Variants in SLC35F5 observed in about 807,000 individuals in gnomAD.
SLC35F5 encodes HCV NS5A-transactivated protein 3.
Under a neutral mutation model 68.6 loss-of-function variants are expected in SLC35F5, and 54 were observed. The ratio of observed to expected loss-of-function variants is 0.79; its 90% CI spans 0.63 to 0.99. The LOEUF (loss-of-function observed/expected upper bound fraction) is 0.99, where lower values mean the gene tolerates loss of function less well. Among genes scored for constraint, SLC35F5 ranks in the 50% least tolerant of loss-of-function variants. The pLI is 0.00. For missense variants in SLC35F5, 567 were observed against 626.9 expected, an observed-to-expected ratio of 0.90 and a Z score of 1.02; for synonymous variants, 211 against 205.2, an observed-to-expected ratio of 1.03 and a Z score of -0.24.
intron 14 of SLC35F5, among the ~76,000 whole-genome samples, chr2:113,718,925 GAAAAAGA>G (rs1559318405): frequency 0.056 from 3,155 of 56,734 alleles, 71 homozygotes; most frequent in Non-Finnish European, 0.098. Context: ...AAGAAAGAAA[GAAAAAGA>G]AAGGAAGAAA....
intron 10 of SLC35F5, among the ~76,000 whole-genome samples, 182 bp downstream of exon 10, chr2:113,731,402 G>A (rs904920278): frequency 6.6e-6 from 1 of 152,082 alleles, no homozygotes; most frequent in African/African-American, 2.4e-5. Context: ...AAAAATCTGG[G>A]TGAAGGCTAT....
intron 3 of SLC35F5, among the ~76,000 whole-genome samples, chr2:113,752,960 G>A (rs997227873): frequency 6.6e-6 from 1 of 152,038 alleles, no homozygotes. Context: ...TGTGACATAT[G>A]CTTTAAAATA....
rs1048814223 is a variant in SLC35F5 at position 113,708,323 on chromosome 2, G to A, written c.*6895C>T. 1.8e-4 allele frequency among the ~76,000 whole-genome samples: 27 copies of A among 152,150 alleles called. No homozygotes were observed. The highest frequency in any genetic ancestry group is 5.5e-4 in the African/African-American group (23 of 41,442). On this transcript the variant is annotated 3_prime_UTR_variant, in exon 16 of 16. Coordinates refer to ENST00000245680, the MANE Select transcript of SLC35F5 (RefSeq NM_025181.5). ...TGGAATTAAAAGATGAGAAAACCTC[G>A]TAGTATTTTAGTCTGGTACTTTTAG... is the stretch of plus-strand genomic sequence containing the variant.
chr2:113,730,744 C>G lies in SLC35F5; in HGVS notation c.985+840G>C, dbSNP rs114189957. Reference sequence around the variant, plus strand: ...TCACCATGCTCAGCCCAGCTAGGTTCTGATTACTTTTGTTTTTGTTAAGTC... The same window carrying G: ...TCACCATGCTCAGCCCAGCTAGGTTGTGATTACTTTTGTTTTTGTTAAGTC... On this transcript the variant is annotated intron_variant, in intron 10 of 15. Transcript: ENST00000245680. 9.4e-3 allele frequency among the ~76,000 whole-genome samples: 1,430 copies of G among 152,250 alleles called. 29 individuals are homozygous for G. The highest frequency in any genetic ancestry group is 0.032 in the African/African-American group (1,313 of 41,542).
intron 2 of SLC35F5, 21 bp downstream of exon 2, chr2:113,755,433 G>A (rs760564667): frequency 1.3e-5 from 21 of 1,612,202 alleles, no homozygotes; most frequent in Middle Eastern, 3.3e-4. Flanking sequence ...AAGTTACATA[G>A]AGGATAAACG....
In SLC35F5 at chr2:113,734,683, G is replaced by A. The variant is rs1405069223; in HGVS notation, c.833-10C>T. The stretch of plus-strand genomic sequence containing the variant: ...ATTAAGGTAAAAAGTCCTATGAGGA[G>A]AAAAGAATTTAAAAATGGTACATGA... On this transcript the variant is annotated splice_polypyrimidine_tract_variant and intron_variant, in intron 8 of 15. Transcript: ENST00000245680. 1.9e-6 allele frequency: 3 copies of A among 1,539,064 alleles called. No homozygotes were observed. Among genetic ancestry groups the A allele is most frequent in the Admixed American group, 3.7e-5 (2 of 54,556 alleles).
chr2:113,746,276 C>T lies in SLC35F5; in HGVS notation c.480+1G>A. On this transcript the variant is annotated splice_donor_variant, in intron 5 of 15. Coordinates refer to ENST00000245680, the MANE Select transcript of SLC35F5 (RefSeq NM_025181.5). LOFTEE classifies it high-confidence loss of function. ...TTCCTGACAAGAAAAGAAGCACTTA[C>T]CAAAGAACTATTCATAGTTGTATCT... 1 of 1,612,390 alleles carries T rather than the reference C, an allele frequency of 6.2e-7. No individual in the cohort carries two copies. The highest frequency in any genetic ancestry group is 8.5e-7 in the Non-Finnish European group (1 of 1,179,136).
intron 4 of SLC35F5, among the ~76,000 whole-genome samples, chr2:113,748,173 AT>A (rs746264726): frequency 6.6e-6 from 1 of 152,072 alleles, no homozygotes; most frequent in African/African-American, 2.4e-5. Context: ...TTTCATTTTT[AT>A]TTTATTTTTT....
intron 7 of SLC35F5, among the ~76,000 whole-genome samples, chr2:113,740,450 T>C (rs1193035877): frequency 6.6e-6 from 1 of 152,236 alleles, no homozygotes. Context: ...GTAATAACAC[T>C]AGTCTTTATA....
intron 1 of SLC35F5, 196 bp downstream of exon 1, chr2:113,756,174 C>T: frequency 6.8e-7 from 1 of 1,460,274 alleles, no homozygotes; most frequent in Non-Finnish European, 9.0e-7. Flanking sequence ...GGCGCACGCA[C>T]GGCTTCCTCA....
rs1354624755 is a variant in SLC35F5, at chr2:113,712,250, A to G, written c.*2968T>C. Among the ~76,000 whole-genome samples, 2 of 152,258 alleles carry G rather than the reference A, an allele frequency of 1.3e-5. No individual in the cohort carries two copies. The highest frequency in any genetic ancestry group is 2.9e-5 in the Non-Finnish European group (2 of 68,050). The stretch of plus-strand genomic sequence containing the variant: ...TTTAAATTAAAATTTATTTAAAGGA[A>G]TAAGTATGGGTGCATTACATAAACC... On this transcript the variant is annotated 3_prime_UTR_variant, in exon 16 of 16. Coordinates refer to ENST00000245680, the MANE Select transcript of SLC35F5 (RefSeq NM_025181.5).
intron 4 of SLC35F5, among the ~76,000 whole-genome samples, chr2:113,748,378 G>C (rs1676598421): frequency 6.6e-6 from 1 of 152,010 alleles, no homozygotes; most frequent in Non-Finnish European, 1.5e-5. Flanking sequence ...TGTTAGCCAG[G>C]CTGGTCTCAA....
rs965037506 is a variant in SLC35F5 at position 113,708,784 on chromosome 2, C to T, written c.*6434G>A. Among the ~76,000 whole-genome samples, 5 of 152,226 alleles carry T rather than the reference C, an allele frequency of 3.3e-5. No homozygotes were observed. The highest frequency in any genetic ancestry group is 3.3e-4 in the Admixed American group (5 of 15,298). On this transcript the variant is annotated 3_prime_UTR_variant, in exon 16 of 16. Coordinates refer to ENST00000245680, the MANE Select transcript of SLC35F5 (RefSeq NM_025181.5). Reference sequence around the variant, plus strand: ...ATTAATCATACACTCAAAATTTTAGCTTGGATTTGTTTTGCAACTGATTTG... The same window carrying T: ...ATTAATCATACACTCAAAATTTTAGTTTGGATTTGTTTTGCAACTGATTTG...
At chr2:113,724,578 A>T (rs150134473) in intron 12 of SLC35F5, among the ~76,000 whole-genome samples, 72 of 152,312 alleles carry the variant, frequency 4.7e-4, no homozygotes, top group African/African-American at 1.7e-3. Flanking sequence ...CACTGTAGGC[A>T]GAGCATTAAG....
chr2:113,739,011 T>G (rs1163592881), intron 7 of SLC35F5, among the ~76,000 whole-genome samples: 1 of 152,210 alleles, frequency 6.6e-6, no homozygotes, highest in Non-Finnish European at 1.5e-5. Flanking sequence ...ACTAGATAAT[T>G]TAAAACTATG....
At chr2:113,705,641 AT>A (rs1174724183), downstream of SLC35F5, 26 of 152,334 alleles carry the variant, frequency 1.7e-4, no homozygotes, top group African/African-American at 6.0e-4. Context: ...ACTTTTCAAA[AT>A]AATTAGTAGA....
intron 3 of SLC35F5, among the ~76,000 whole-genome samples, chr2:113,752,937 G>A (rs1676803164): frequency 6.6e-6 from 1 of 152,050 alleles, no homozygotes; most frequent in Admixed American, 6.6e-5. Flanking sequence ...AAGAAATCGT[G>A]GGTGAAATGG....
Position 113,756,597 on chromosome 2 carries a change from G to A in SLC35F5, c.-188C>T. 2.1e-6 allele frequency: 3 copies of A among 1,405,168 alleles called. No homozygotes were observed. The highest frequency in any genetic ancestry group is 1.5e-5 in the South Asian group (1 of 67,378). 87.0% of individuals were successfully genotyped at this position (1,405,168 alleles called of 1,614,324 possible). On this transcript the variant is annotated 5_prime_UTR_variant, in exon 1 of 16. Coordinates refer to ENST00000245680, the MANE Select transcript of SLC35F5 (RefSeq NM_025181.5). ...CCAGGAGGGCGTGGAGCGGGTGAGG[G>A]GAAGGGACGGCACAGTCAGCTATGG...
At position 113,725,392 on chromosome 2, in the gene SLC35F5, C is replaced by A. The variant is rs1238236168; in HGVS notation, c.1236G>T (p.Glu412Asp). 1 of 1,601,878 alleles carries A rather than the reference C, an allele frequency of 6.2e-7. No individual in the cohort carries two copies. Among genetic ancestry groups the A allele is most frequent in the East Asian group, 2.2e-5 (1 of 44,750 alleles). The stretch of plus-strand genomic sequence containing the variant: ...ACAGTACATACCACAACCACAGGAA[C>A]TCTGAGAGTACTGTTCCAATAAGGC... The part of the protein sequence containing the change: ...INGLIGTVLS[E>D]FLWLWGCFLT... The change falls in exon 12 of 16, where the codon GAG (glutamate) becomes GAT (aspartate). Residue 412 changes from glutamate (E) to aspartate (D), a missense_variant. Coordinates refer to ENST00000245680, the MANE Select transcript of SLC35F5 (RefSeq NM_025181.5).
Sources: gnomAD v4.1 joint callset for allele counts (sites outside exome capture counted in the v4.1 genomes callset) on GRCh38, gnomAD v4.1.1 for gene constraint, MANE v1.5 for transcripts, NCBI Gene and HGNC (gene_info 2026-07-23, HGNC 2026-07-21) for gene names.